Variants in EHMT1 observed in about 807,000 individuals in gnomAD.
EHMT1 encodes the protein euchromatic histone lysine methyltransferase 1, also known as histone-lysine N-methyltransferase EHMT1.
A neutral mutation model predicts 147.2 loss-of-function variants in EHMT1; 15 were observed. That is an observed-to-expected ratio of 0.10 (90% CI 0.07 to 0.16). EHMT1 has a LOEUF of 0.16. Ranked by LOEUF, EHMT1 falls within the 10% of genes least tolerant of loss-of-function variation. The probability of loss-of-function intolerance (pLI) is 1.00; values close to 1 mark genes in which losing one functional copy is unlikely to be tolerated. For missense variants in EHMT1, 1,587 were observed against 1,772.4 expected, an observed-to-expected ratio of 0.90 and a Z score of 1.88; for synonymous variants, 795 against 709.6, an observed-to-expected ratio of 1.12 and a Z score of -1.91.
At chr9:137,767,924 G>T (rs1950316831) in intron 10 of EHMT1, among the ~76,000 whole-genome samples, 1 of 152,162 alleles carries the variant, frequency 6.6e-6, no homozygotes, top group South Asian at 2.1e-4. Context: ...TTTGGATTTG[G>T]GGTGTTCAAC....
chr9:137,709,691 T>C (rs573295424), intron 1 of EHMT1, among the ~76,000 whole-genome samples: 13 of 152,170 alleles, frequency 8.5e-5, no homozygotes, highest in Non-Finnish European at 1.6e-4. Flanking sequence ...GATAGTCAAT[T>C]AAAGATGGAA....
intron 18 of EHMT1, among the ~76,000 whole-genome samples, chr9:137,809,466 G>C (rs1305028297): frequency 2.6e-5 from 4 of 152,316 alleles, no homozygotes; most frequent in African/African-American, 9.6e-5. Context: ...CAGAGCCTGC[G>C]GGGTGGAGAC....
At chr9:137,728,210 G>A in intron 3 of EHMT1, 139 bp from the exon 4 acceptor site, 1 of 1,276,296 alleles carries the variant, frequency 7.8e-7, no homozygotes, top group Non-Finnish European at 1.1e-6. Context: ...TCCGCTTGCA[G>A]ACTTTCTCCT....
At chr9:137,647,170 T>G (rs1299259670) in intron 1 of EHMT1, among the ~76,000 whole-genome samples, 1 of 152,146 alleles carries the variant, frequency 6.6e-6, no homozygotes. Flanking sequence ...TTCTAAATAT[T>G]GACGTGCCCG....
rs529408215 is a variant in EHMT1 at position 137,658,126 on chromosome 9, CTTCT to C, written c.21+39078_21+39081del. 3.9e-5 allele frequency among the ~76,000 whole-genome samples: 6 copies of C among 152,302 alleles called. No homozygotes were observed. The South Asian group carries it at 1.0e-3, about 26-fold the overall frequency. On this transcript the variant is annotated intron_variant, in intron 1 of 26. Transcript: ENST00000460843. Reference sequence around the variant, plus strand: ...CCTTCTGCTTCTTTCGTTCTCCTTCCTTCTGTCACTCGCGGCTCTTCCTATCCAG... The same window carrying C: ...CCTTCTGCTTCTTTCGTTCTCCTTCCGTCACTCGCGGCTCTTCCTATCCAG...
rs534106616 is a variant in EHMT1 at position 137,789,468 on chromosome 9, G to GT, written c.2383-1373dup. On this transcript the variant is annotated intron_variant, in intron 15 of 26. Coordinates refer to ENST00000460843, the MANE Select transcript of EHMT1 (RefSeq NM_024757.5). ...GGCCTCGCTCTCTACCTCGTTTTGT[G>GT]TTTTTTTAAGCTTACTATTCGTTAA... Among the ~76,000 whole-genome samples, 11 of 152,312 alleles carry GT rather than the reference G, an allele frequency of 7.2e-5. No homozygotes were observed. In the East Asian group the frequency reaches 9.6e-4, roughly 13 times the overall value.
At position 137,786,545 on chromosome 9, in the gene EHMT1, T is replaced by G. The variant is rs1439272030; in HGVS notation, c.2382+4148T>G. 7.0e-6 allele frequency: 1 copy of G among 143,018 alleles called. No homozygotes were observed. The highest frequency in any genetic ancestry group is 1.4e-5 in the Non-Finnish European group (1 of 71,132). The allele number at this position is 143,018 out of a possible 1,614,324, so 8.9% of individuals were successfully genotyped here. The stretch of plus-strand genomic sequence containing the variant: ...CTCCCCCGGGCTCTGGTCTTGGTCG[T>G]GTGGAGTCATCTCTCCCGGGCTCCG... On this transcript the variant is annotated intron_variant, in intron 15 of 26. Transcript: ENST00000460843. This position sits in a 1 kb window ranked among gnomAD's most constrained non-coding sequence, Gnocchi z 4.3.
At chr9:137,810,752 G>T (rs1040267213) in intron 18 of EHMT1, among the ~76,000 whole-genome samples, 1 of 151,402 alleles carries the variant, frequency 6.6e-6, no homozygotes, top group Non-Finnish European at 1.5e-5. Context: ...AGGCTGGAGT[G>T]CAGTGGCACG....
chr9:137,751,363 C>T (rs548426351), intron 6 of EHMT1, among the ~76,000 whole-genome samples: 3 of 152,256 alleles, frequency 2.0e-5, no homozygotes, highest in East Asian at 1.9e-4. Flanking sequence ...GCTGTGTTGC[C>T]CAGGCTGGTC....
chr9:137,799,931 G>C (rs1056675448), intron 17 of EHMT1, among the ~76,000 whole-genome samples: 1 of 152,226 alleles, frequency 6.6e-6, no homozygotes, highest in African/African-American at 2.4e-5. Context: ...AGGGGGGCTG[G>C]GCTCCAGGAG....
In EHMT1 at chr9:137,817,341, C is replaced by T. The variant is rs951186719; in HGVS notation, c.3375-98C>T. The T allele has an allele frequency of 8.0e-6, 11 of 1,375,580 alleles. No individual in the cohort carries two copies. The Admixed American group carries it at 8.6e-5, about 11-fold the overall frequency. 85.2% of individuals were successfully genotyped at this position (1,375,580 alleles called of 1,614,324 possible). ...CTTCGGATACAGAACCAGTTTTCTT[C>T]CTCATTTCAGTGACGTGGCACCAGC... is the stretch of plus-strand genomic sequence containing the variant. On this transcript the variant is annotated intron_variant, in intron 23 of 26. Transcript: ENST00000460843.
chr9:137,686,545 A>T (rs1399388156), intron 1 of EHMT1, among the ~76,000 whole-genome samples: 1 of 151,414 alleles, frequency 6.6e-6, no homozygotes, highest in African/African-American at 2.4e-5. Context: ...GTGCACCCCC[A>T]TCCCCGGCTA....
intron 1 of EHMT1, among the ~76,000 whole-genome samples, chr9:137,709,579 G>C (rs1281627298): frequency 1.3e-5 from 2 of 152,208 alleles, no homozygotes; most frequent in African/African-American, 2.4e-5. Context: ...CCTGGCGTCT[G>C]CTTTGTGGGG....
chr9:137,674,176 G>A (rs750753342), intron 1 of EHMT1, among the ~76,000 whole-genome samples: 8 of 152,148 alleles, frequency 5.3e-5, no homozygotes, highest in Non-Finnish European at 8.8e-5. Flanking sequence ...AACCAGCACC[G>A]TAACACATGC....
At chr9:137,767,859 C>T (rs568351146) in intron 10 of EHMT1, among the ~76,000 whole-genome samples, 4 of 152,202 alleles carry the variant, frequency 2.6e-5, no homozygotes, top group African/African-American at 7.2e-5. Flanking sequence ...TTCTGTTGAA[C>T]GTCATATTGG....
At chr9:137,801,533 C>G (rs1057285382) in intron 18 of EHMT1, among the ~76,000 whole-genome samples, 4 of 152,036 alleles carry the variant, frequency 2.6e-5, no homozygotes, top group African/African-American at 4.8e-5. Context: ...GAGTCTCGCT[C>G]TGTCACCCAG....
At chr9:137,630,289 G>A (rs1433796594) in intron 1 of EHMT1, among the ~76,000 whole-genome samples, 1 of 152,226 alleles carries the variant, frequency 6.6e-6, no homozygotes, top group Non-Finnish European at 1.5e-5. Context: ...ATAGAACAGA[G>A]CAAATATTAC....
At chr9:137,802,906 A>G in intron 18 of EHMT1, 1 of 1,232,452 alleles carries the variant, frequency 8.1e-7, no homozygotes, top group East Asian at 3.2e-5. Flanking sequence ...AAGGAAGAGA[A>G]GAGGGAAGCA....
rs534834277 is a variant in EHMT1 at position 137,680,708 on chromosome 9, C to CA, written c.22-30258dup. 5.3e-5 allele frequency among the ~76,000 whole-genome samples: 8 copies of CA among 152,346 alleles called. No individual in the cohort carries two copies. In the South Asian group the frequency reaches 8.3e-4, roughly 16 times the overall value. ...ATACTGCAGTCTTCCAGAGAGGCCT[C>CA]AGTGTGGGGGGATGCAAAGAAGGTG... On this transcript the variant is annotated intron_variant, in intron 1 of 26. Coordinates refer to ENST00000460843, the MANE Select transcript of EHMT1 (RefSeq NM_024757.5).
Sources: allele counts gnomAD v4.1 joint callset (sites outside exome capture counted in the v4.1 genomes callset), GRCh38; gene constraint gnomAD v4.1.1; non-coding constraint Gnocchi (gnomAD v3.1); transcripts MANE v1.5; gene names NCBI Gene and HGNC (gene_info 2026-07-23, HGNC 2026-07-21).